Variants in DMD observed in about 807,000 individuals in gnomAD.
The protein encoded by DMD is mutant dystrophin.
DMD carries 63 observed loss-of-function variants against 330.1 expected under a neutral mutation model. The ratio of observed to expected loss-of-function variants is 0.19; its 90% CI spans 0.16 to 0.24. The LOEUF is 0.24. Among genes scored for constraint, DMD ranks in the 10% least tolerant of loss-of-function variants. DMD has a pLI of 1.00. For synonymous variants in DMD, 1,223 were observed against 959.8 expected (o/e 1.27, Z -5.07); for missense variants, 3,344 against 2,684.1 (o/e 1.25, Z -5.43).
chrX:32,075,709 G>A (rs2096339038), intron 44 of DMD, among the ~76,000 whole-genome samples: 1 of 109,553 alleles, frequency 9.1e-6, no homozygotes. Context: ...TTATTCTAAG[G>A]CAATAACATC....
At chrX:33,059,953 A>G (rs2094562743) in intron 1 of DMD, among the ~76,000 whole-genome samples, 1 of 112,155 alleles carries the variant, frequency 8.9e-6, no homozygotes, top group African/African-American at 3.2e-5. Flanking sequence ...TCTGCCAGTG[A>G]TACCCAGCCA....
At chrX:32,727,869 A>G (rs983717475) in intron 7 of DMD, among the ~76,000 whole-genome samples, 11 of 111,452 alleles carry the variant, frequency 9.9e-5, no homozygotes, top group Non-Finnish European at 2.1e-4. Context: ...CAAAACTCTG[A>G]TCACTCTGAT....
chrX:32,117,695 C>T (rs182259188), intron 44 of DMD, among the ~76,000 whole-genome samples: 39 of 112,095 alleles, frequency 3.5e-4, no homozygotes, highest in African/African-American at 1.2e-3. Flanking sequence ...TTAACCTTGT[C>T]GCAATTTGTA....
chrX:32,966,074 T>G (rs1252773041), intron 2 of DMD, among the ~76,000 whole-genome samples: 2 of 112,258 alleles, frequency 1.8e-5, no homozygotes, highest in Non-Finnish European at 3.8e-5. Context: ...GGATTCTCAC[T>G]TGTCCAATGC....
At chrX:33,200,662 C>T (rs2051209709) in intron 1 of DMD, among the ~76,000 whole-genome samples, 1 of 110,575 alleles carries the variant, frequency 9.0e-6, no homozygotes, top group African/African-American at 3.3e-5. Flanking sequence ...GTCATTATAG[C>T]AGTAAGTTAT....
At chrX:31,856,024 G>C (rs2093608292) in intron 48 of DMD, among the ~76,000 whole-genome samples, 1 of 111,698 alleles carries the variant, frequency 9.0e-6, no homozygotes, top group Non-Finnish European at 1.9e-5. Context: ...AGGAATTGTA[G>C]ACTTATATAT....
At chrX:32,608,093 A>T (rs889706214) in intron 12 of DMD, among the ~76,000 whole-genome samples, 1 of 110,308 alleles carries the variant, frequency 9.1e-6, no homozygotes, top group Non-Finnish European at 1.9e-5. Flanking sequence ...TGACATTCTA[A>T]GTAATGTTAC....
At chrX:33,126,709 T>G (rs1458721278) in intron 1 of DMD, among the ~76,000 whole-genome samples, 1 of 112,077 alleles carries the variant, frequency 8.9e-6, no homozygotes, top group Non-Finnish European at 1.9e-5. Context: ...CTCCTTAGTT[T>G]GTACATGCAT....
intron 2 of DMD, among the ~76,000 whole-genome samples, chrX:32,942,825 C>G (rs1291777377): frequency 1.8e-5 from 2 of 111,598 alleles, no homozygotes; most frequent in African/African-American, 3.3e-5. Context: ...TAAAAGTAGA[C>G]TTTACAGAAT....
chrX:32,436,953 T>TA (rs35903191), intron 29 of DMD, among the ~76,000 whole-genome samples: 15,518 of 103,308 alleles, frequency 0.15, 1,114 homozygotes, highest in African/African-American at 0.24. Flanking sequence ...ACCCTGTCTT[T>TA]AAAAAAAAAA....
At chrX:32,590,186 A>G (rs12116150) in intron 13 of DMD, among the ~76,000 whole-genome samples, 6,684 of 112,038 alleles carry the variant, frequency 0.06, 167 homozygotes, top group Non-Finnish European at 0.063. Context: ...AATGTAGCTT[A>G]GTTCTTAGAA....
chrX:32,398,730 G>GA (rs1329017870), intron 30 of DMD, among the ~76,000 whole-genome samples: 2 of 111,408 alleles, frequency 1.8e-5, no homozygotes, highest in Non-Finnish European at 1.9e-5. Context: ...CACAGAAATA[G>GA]AAAAAACAAT....
At chrX:33,013,659 TAC>T (rs778338468) in intron 2 of DMD, among the ~76,000 whole-genome samples, 2 of 112,660 alleles carry the variant, frequency 1.8e-5, no homozygotes, top group Non-Finnish European at 3.8e-5. Flanking sequence ...GTTAGCTATA[TAC>T]AGATTTAGAA....
chrX:32,561,549 A>T (rs781396119), intron 16 of DMD, among the ~76,000 whole-genome samples: 5 of 111,890 alleles, frequency 4.5e-5, no homozygotes, highest in Non-Finnish European at 9.4e-5. Flanking sequence ...AACCTGAAAG[A>T]GACGGGGAGA....
At chrX:32,717,037 C>A (rs1362006016) in intron 7 of DMD, among the ~76,000 whole-genome samples, 1 of 110,039 alleles carries the variant, frequency 9.1e-6, no homozygotes, top group African/African-American at 3.3e-5. Context: ...GGAAGCAGAG[C>A]ATAAAAGTTT....
At chrX:31,769,232 T>C (rs1603462685) in intron 51 of DMD, among the ~76,000 whole-genome samples, 1 of 112,136 alleles carries the variant, frequency 8.9e-6, no homozygotes, top group African/African-American at 3.2e-5. Context: ...ATAACTAACT[T>C]TGCCTTGAGT....
chrX:31,958,515 T>G (rs1046367862), intron 45 of DMD, among the ~76,000 whole-genome samples: 6 of 111,603 alleles, frequency 5.4e-5, no homozygotes, highest in African/African-American at 2.0e-4. Flanking sequence ...TTGTGATAGT[T>G]TACAGTGGTA....
chrX:32,742,898 A>G (rs1180204809), intron 7 of DMD, among the ~76,000 whole-genome samples: 1 of 112,050 alleles, frequency 8.9e-6, no homozygotes, highest in Non-Finnish European at 1.9e-5. Context: ...TCCCCATTTT[A>G]CAGATGAAGA....
chrX:31,710,177 T>C (rs1307758912), intron 52 of DMD, among the ~76,000 whole-genome samples: 4 of 111,740 alleles, frequency 3.6e-5, no homozygotes, highest in Admixed American at 9.5e-5. Flanking sequence ...GTTTTGGGGA[T>C]GAAGTAACCC....
Sources: gnomAD v4.1 joint callset for allele counts (sites outside exome capture counted in the v4.1 genomes callset) on GRCh38, gnomAD v4.1.1 for gene constraint, MANE v1.5 for transcripts, NCBI Gene and HGNC (gene_info 2026-07-23, HGNC 2026-07-21) for gene names.